The following CTIF variants were observed in gnomAD, a reference collection of about 807,000 sequenced individuals.
CTIF encodes the protein cap binding complex dependent translation initiation factor.
Under a neutral mutation model 66.0 loss-of-function variants are expected in CTIF, and 21 were observed. The observed-to-expected ratio is 0.32, with a 90% CI of 0.23 to 0.46. The LOEUF (loss-of-function observed/expected upper bound fraction) is 0.46, where lower values mean the gene tolerates loss of function less well. Ranked by LOEUF, CTIF falls within the 20% of genes least tolerant of loss-of-function variation. CTIF has a pLI of 1.00. For synonymous variants in CTIF, 345 were observed against 326.4 expected (o/e 1.06, Z -0.62); for missense variants, 739 against 812.7 (o/e 0.91, Z 1.10).
At chr18:48,710,121 G>A (rs1166950892) in intron 6 of CTIF, among the ~76,000 whole-genome samples, 2 of 152,230 alleles carry the variant, frequency 1.3e-5, no homozygotes, top group Non-Finnish European at 2.9e-5. Flanking sequence ...CCCCGTGAAG[G>A]CAAAACAGTG....
chr18:48,575,545 C>A (rs1035323732), intron 1 of CTIF, among the ~76,000 whole-genome samples: 1 of 152,224 alleles, frequency 6.6e-6, no homozygotes, highest in African/African-American at 2.4e-5. Flanking sequence ...AACAGAGTTG[C>A]GGTGTCAGGA....
At chr18:48,696,253 GTTTAC>G (rs1012529679) in intron 6 of CTIF, among the ~76,000 whole-genome samples, 2 of 152,244 alleles carry the variant, frequency 1.3e-5, no homozygotes, top group African/African-American at 4.8e-5. Flanking sequence ...GTGATCCAGA[GTTTAC>G]TTTCACCTCC....
intron 7 of CTIF, among the ~76,000 whole-genome samples, chr18:48,714,084 T>G (rs1256353481): frequency 6.6e-6 from 1 of 152,170 alleles, no homozygotes; most frequent in Non-Finnish European, 1.5e-5. Flanking sequence ...GAGTCTGTTT[T>G]GGGAAATCGT....
chr18:48,717,262 G>T (rs373634075), intron 7 of CTIF, among the ~76,000 whole-genome samples: 2 of 152,094 alleles, frequency 1.3e-5, no homozygotes. Flanking sequence ...AGCCGAGCGT[G>T]GTGGTGCAGC....
rs577287507 is a variant in CTIF at position 48,589,982 on chromosome 18, CT to C, written c.-28-29555del. ...CTGGGTTGAGCTGGTAGGCCTGCCCCTGCTTTCCTTTACAGGCGAGTGCCTC... is the reference window on the plus strand; with the variant it reads ...CTGGGTTGAGCTGGTAGGCCTGCCCCGCTTTCCTTTACAGGCGAGTGCCTC... On this transcript the variant is annotated intron_variant, in intron 1 of 11. Coordinates refer to ENST00000256413, the MANE Select transcript of CTIF (RefSeq NM_014772.3). 1.2e-3 allele frequency among the ~76,000 whole-genome samples: 184 copies of C among 152,372 alleles called. 1 individual carries two copies. Among genetic ancestry groups the C allele is most frequent in the African/African-American group, 4.3e-3 (177 of 41,598 alleles).
intron 6 of CTIF, among the ~76,000 whole-genome samples, chr18:48,707,585 C>T (rs2092173687): frequency 1.3e-5 from 2 of 151,766 alleles, no homozygotes; most frequent in Admixed American, 1.3e-4. Flanking sequence ...CCTTCTCCTC[C>T]TCTTCCTTCT....
At chr18:48,599,742 C>A (rs1414115555) in intron 1 of CTIF, among the ~76,000 whole-genome samples, 1 of 152,164 alleles carries the variant, frequency 6.6e-6, no homozygotes, top group Non-Finnish European at 1.5e-5. Context: ...CTCACAGGAT[C>A]CAGAGGATTA....
At chr18:48,654,654 A>G (rs562478306) in intron 3 of CTIF, among the ~76,000 whole-genome samples, 38 of 152,306 alleles carry the variant, frequency 2.5e-4, no homozygotes, top group South Asian at 1.7e-3. Context: ...AAATCATGCT[A>G]CTATAAAGAC....
chr18:48,648,985 A>C (rs1165237708), intron 3 of CTIF, among the ~76,000 whole-genome samples: 1 of 152,192 alleles, frequency 6.6e-6, no homozygotes, highest in African/African-American at 2.4e-5. Flanking sequence ...TCATGGACCC[A>C]TTCCAAGATG....
chr18:48,733,566 C>T (rs559520203), intron 7 of CTIF, among the ~76,000 whole-genome samples: 1 of 152,350 alleles, frequency 6.6e-6, no homozygotes, highest in South Asian at 2.1e-4. Flanking sequence ...GGGCAAGGGT[C>T]TCTGGCCCCC....
intron 10 of CTIF, among the ~76,000 whole-genome samples, chr18:48,833,650 CCCCAAA>C (rs2068743734): frequency 6.6e-6 from 1 of 151,932 alleles, no homozygotes; most frequent in Non-Finnish European, 1.5e-5. Context: ...AAAATGTGTG[CCCCAAA>C]GGAACAAAAA....
chr18:48,815,046 C>T (rs1355795594), intron 9 of CTIF, among the ~76,000 whole-genome samples: 2 of 152,114 alleles, frequency 1.3e-5, no homozygotes, highest in Admixed American at 6.5e-5. Context: ...AGTGACTAAG[C>T]GTGGGCTCTG....
At chr18:48,754,259 G>A (rs1038160567) in intron 7 of CTIF, among the ~76,000 whole-genome samples, 1 of 152,224 alleles carries the variant, frequency 6.6e-6, no homozygotes, top group Non-Finnish European at 1.5e-5. Context: ...GTCTAAAGGC[G>A]AATGGGAGAC....
chr18:48,786,958 C>T (rs1911765561), intron 9 of CTIF, among the ~76,000 whole-genome samples: 1 of 152,130 alleles, frequency 6.6e-6, no homozygotes, highest in African/African-American at 2.4e-5. Context: ...AGTAAATCTC[C>T]CTTCCCCTAC....
At chr18:48,687,471 G>A (rs1024048588) in intron 6 of CTIF, among the ~76,000 whole-genome samples, 3 of 152,022 alleles carry the variant, frequency 2.0e-5, no homozygotes, top group African/African-American at 7.2e-5. Context: ...CTACACAAGA[G>A]CCACCAGGGC....
chr18:48,778,869 C>T (rs1391559082), intron 9 of CTIF, among the ~76,000 whole-genome samples: 1 of 152,210 alleles, frequency 6.6e-6, no homozygotes, highest in Non-Finnish European at 1.5e-5. Context: ...TCGCGCTGGT[C>T]CCTGGGGAGC....
Position 48,844,573 on chromosome 18 carries a change from G to C in CTIF, c.1528-13015G>C, listed in dbSNP as rs568521590. On this transcript the variant is annotated intron_variant, in intron 10 of 11. Coordinates refer to ENST00000256413, the MANE Select transcript of CTIF (RefSeq NM_014772.3). ...TCTGGGGCGCCTGGTCCGCAGCTAG[G>C]GTGCCCGCCCGCCTTAGTTAGGAGG... is the stretch of plus-strand genomic sequence containing the variant. Among the ~76,000 whole-genome samples, 15 of 152,274 alleles carry C rather than the reference G, an allele frequency of 9.9e-5. No individual in the cohort carries two copies. In the South Asian group the frequency reaches 2.9e-3, roughly 29 times the overall value.
chr18:48,736,052 T>C (rs1390686736), intron 7 of CTIF, among the ~76,000 whole-genome samples: 1 of 152,190 alleles, frequency 6.6e-6, no homozygotes, highest in East Asian at 1.9e-4. Context: ...TAGAAGCGAC[T>C]GTTCCTTCCC....
chr18:48,769,675 G>C (rs574920761), intron 9 of CTIF, among the ~76,000 whole-genome samples: 2 of 152,252 alleles, frequency 1.3e-5, no homozygotes, highest in Non-Finnish European at 2.9e-5. Flanking sequence ...TCCTATCCAT[G>C]TTCTTTGCCC....
Sources: allele counts gnomAD v4.1 joint callset (sites outside exome capture counted in the v4.1 genomes callset), GRCh38; gene constraint gnomAD v4.1.1; transcripts MANE v1.5; gene names NCBI Gene and HGNC (gene_info 2026-07-23, HGNC 2026-07-21).